Variants in WDFY3 observed in about 807,000 individuals in gnomAD.
WDFY3 encodes WD repeat and FYVE domain containing 3, also known as WD repeat and FYVE domain-containing protein 3.
In WDFY3, 66 loss-of-function variants were observed where a neutral mutation model predicts 409.6. The observed-to-expected ratio is 0.16, with a 90% CI of 0.13 to 0.20. The LOEUF is 0.20. Among genes scored for constraint, WDFY3 ranks in the 10% least tolerant of loss-of-function variants. WDFY3 has a pLI of 1.00. For synonymous variants in WDFY3, 1,521 were observed against 1,537.1 expected (o/e 0.99, Z 0.25); for missense variants, 3,031 against 4,298.1 (o/e 0.71, Z 8.24).
intron 36 of WDFY3, among the ~76,000 whole-genome samples, chr4:84,749,122 G>C (rs1336094791): frequency 6.6e-6 from 1 of 152,010 alleles, no homozygotes; most frequent in Admixed American, 6.6e-5. Context: ...CTAACTTTAA[G>C]CAATCCTTCT....
rs541160328 is a variant in WDFY3 at position 84,808,641 on chromosome 4, C to G, written c.2346-224G>C. Among the ~76,000 whole-genome samples, 6 of 152,282 alleles carry G rather than the reference C, an allele frequency of 3.9e-5. No homozygotes were observed. In the East Asian group the frequency reaches 9.7e-4, roughly 25 times the overall value. Reference sequence around the variant, plus strand: ...CCATTCATGTTAACATTTAACACATCTGTTAAACAGGGTGCTCTAAGCCCT... The same window carrying G: ...CCATTCATGTTAACATTTAACACATGTGTTAAACAGGGTGCTCTAAGCCCT... On this transcript the variant is annotated intron_variant, in intron 14 of 67. Transcript: ENST00000295888.
rs1734054216 is a variant in WDFY3 at position 84,717,003 on chromosome 4, T to C, written c.7768A>G (p.Ile2590Val). 1.2e-6 allele frequency: 2 copies of C among 1,604,918 alleles called. No homozygotes were observed. The highest frequency in any genetic ancestry group is 1.7e-6 in the Non-Finnish European group (2 of 1,175,748). The change falls in exon 49 of 68, where the codon ATT becomes GTT. Residue 2590 changes from isoleucine to valine, a missense_variant. Coordinates refer to ENST00000295888, the MANE Select transcript of WDFY3 (RefSeq NM_014991.6). ...ETLPPNMHEP[I>V]IPRGARQGPS... The stretch of plus-strand genomic sequence containing the variant: ...CCTTGCCTGGCTCCTCTAGGAATAA[T>C]AGGCTCATGCATACTACAGGCAGCC...
At chr4:84,750,172 C>G (rs1206279220) in intron 36 of WDFY3, among the ~76,000 whole-genome samples, 1 of 152,078 alleles carries the variant, frequency 6.6e-6, no homozygotes, top group Non-Finnish European at 1.5e-5. Context: ...AATTTTTACC[C>G]TATACAGTAA....
intron 15 of WDFY3, among the ~76,000 whole-genome samples, chr4:84,804,519 A>G (rs1228902496): frequency 6.6e-6 from 1 of 152,210 alleles, no homozygotes; most frequent in Non-Finnish European, 1.5e-5. Flanking sequence ...AGGCTCTCCT[A>G]GTTTATTTAA....
intron 3 of WDFY3, among the ~76,000 whole-genome samples, chr4:84,872,400 G>A (rs1362547631): frequency 2.0e-5 from 3 of 151,764 alleles, no homozygotes; most frequent in African/African-American, 7.3e-5. Context: ...TGGAGGCAGA[G>A]GTTGCAGTGA....
chr4:84,709,109 A>G, intron 52 of WDFY3, 81 bp from the exon 53 acceptor site: 1 of 1,554,814 alleles, frequency 6.4e-7, no homozygotes, highest in Non-Finnish European at 8.7e-7. Flanking sequence ...ATACAAAATG[A>G]TGTAAAGGAC....
chr4:84,887,868 T>C (rs1764434588), intron 3 of WDFY3, among the ~76,000 whole-genome samples: 1 of 152,226 alleles, frequency 6.6e-6, no homozygotes, highest in Non-Finnish European at 1.5e-5. Flanking sequence ...AAGATAGTAC[T>C]ATTTGTTCTT....
At chr4:84,768,353 T>C (rs1004603271) in intron 30 of WDFY3, among the ~76,000 whole-genome samples, 4 of 152,154 alleles carry the variant, frequency 2.6e-5, no homozygotes, top group Non-Finnish European at 5.9e-5. Flanking sequence ...AGGACTTTCA[T>C]AGCTAGAGGG....
In WDFY3 at chr4:84,862,607, T is replaced by A. The variant is rs1760795434; in HGVS notation, c.-31-1985A>T. On this transcript the variant is annotated intron_variant, in intron 3 of 67. Coordinates refer to ENST00000295888, the MANE Select transcript of WDFY3 (RefSeq NM_014991.6). ...TTTAGATTATGTATAGTTCTGCTCC[T>A]TTTCCTTACCCTGTAGCTAGAGTTG... Among the ~76,000 whole-genome samples, 2 of 152,322 alleles carry A rather than the reference T, an allele frequency of 1.3e-5. 1 individual carries two copies. Among genetic ancestry groups the A allele is most frequent in the South Asian group, 4.1e-4 (2 of 4,832 alleles).
chr4:84,880,109 G>A (rs954256781), intron 3 of WDFY3, among the ~76,000 whole-genome samples: 5 of 152,100 alleles, frequency 3.3e-5, no homozygotes, highest in Non-Finnish European at 7.4e-5. Flanking sequence ...TCACAAAGAA[G>A]GAGTCAGGAG....
chr4:84,900,140 T>C (rs1210428820), intron 2 of WDFY3, among the ~76,000 whole-genome samples: 3 of 152,232 alleles, frequency 2.0e-5, no homozygotes, highest in South Asian at 2.1e-4. Flanking sequence ...CTATTCATTA[T>C]GGCCAAAGAA....
At position 84,826,949 on chromosome 4, in the gene WDFY3, T is replaced by G; in HGVS notation, c.989A>C (p.Asp330Ala). The stretch of plus-strand genomic sequence containing the variant: ...CAGATTAACCAGATCTTTCAAGGCA[T>G]CTTTGGATTCTGCCTCTTTTGCTTG... ...LEQAKEAESK[D>A]ALKDLVNLIT... The change falls in exon 10 of 68, where the codon GAT becomes GCT. Residue 330 changes from aspartate to alanine, a missense_variant. Around this residue, in one of 16 missense-constraint regions of WDFY3, gnomAD observed 1,322 missense variants for 1,697.9 expected, o/e 0.78. Transcript: ENST00000295888. 1 of 1,608,592 alleles carries G rather than the reference T, an allele frequency of 6.2e-7. No individual in the cohort carries two copies. The highest frequency in any genetic ancestry group is 8.5e-7 in the Non-Finnish European group (1 of 1,178,618).
At chr4:84,888,391 T>A (rs1764501432) in intron 3 of WDFY3, among the ~76,000 whole-genome samples, 1 of 152,206 alleles carries the variant, frequency 6.6e-6, no homozygotes, top group African/African-American at 2.4e-5. Context: ...CAGCAATGTA[T>A]TATGTCATTT....
At chr4:84,784,853 T>C (rs1747185245) in intron 24 of WDFY3, among the ~76,000 whole-genome samples, 1 of 57,254 alleles carries the variant, frequency 1.7e-5, no homozygotes, top group Admixed American at 2.7e-4. Flanking sequence ...AAAAAAAGTG[T>C]ATATGTATAT....
chr4:84,779,474 G>A lies in WDFY3; in HGVS notation c.4365+634C>T, dbSNP rs181648138. Among the ~76,000 whole-genome samples the A allele has an allele frequency of 2.9e-3, 440 of 151,358 alleles. 1 individual carries two copies. Among genetic ancestry groups the A allele is most frequent in the Non-Finnish European group, 4.5e-3 (304 of 67,914 alleles). On this transcript the variant is annotated intron_variant, in intron 26 of 67. Coordinates refer to ENST00000295888, the MANE Select transcript of WDFY3 (RefSeq NM_014991.6). Reference sequence around the variant, plus strand: ...TTCGCCCAGGCTGGAATGCAATGGCGCAATCTCGGCTTACTGCAGCCTCCG... The same window carrying A: ...TTCGCCCAGGCTGGAATGCAATGGCACAATCTCGGCTTACTGCAGCCTCCG...
intron 2 of WDFY3, among the ~76,000 whole-genome samples, chr4:84,902,936 C>G (rs1218568791): frequency 6.6e-6 from 1 of 152,152 alleles, no homozygotes; most frequent in Non-Finnish European, 1.5e-5. Flanking sequence ...TCTAACCAAG[C>G]ACTTGTAGTC....
chr4:84,751,730 G>T lies in WDFY3; in HGVS notation c.5740-14C>A. ...AAGGTCAGTCACCTAGTAAAATCAA[G>T]TGGAAAGATACGGTAATCACATTAG... On this transcript the variant is annotated splice_polypyrimidine_tract_variant and intron_variant, in intron 35 of 67. Coordinates refer to ENST00000295888, the MANE Select transcript of WDFY3 (RefSeq NM_014991.6). 5 of 1,613,630 alleles carry T rather than the reference G, an allele frequency of 3.1e-6. No homozygotes were observed. Among genetic ancestry groups the T allele is most frequent in the Non-Finnish European group, 4.2e-6 (5 of 1,179,540 alleles).
chr4:84,947,913 A>T (rs1266297039), intron 1 of WDFY3, among the ~76,000 whole-genome samples: 1 of 151,714 alleles, frequency 6.6e-6, no homozygotes, highest in Non-Finnish European at 1.5e-5. Flanking sequence ...TAAATAAATA[A>T]AATTCCTGCT....
chr4:84,733,110 C>T (rs946556762), intron 44 of WDFY3, among the ~76,000 whole-genome samples: 1 of 152,132 alleles, frequency 6.6e-6, no homozygotes, highest in African/African-American at 2.4e-5. Context: ...GACCCATAAC[C>T]CAGCTATAAT....
Sources: gnomAD v4.1 joint callset for allele counts (sites outside exome capture counted in the v4.1 genomes callset) on GRCh38, gnomAD v4.1.1 for gene constraint, gnomAD v4.1.1 regional missense constraint, MANE v1.5 for transcripts, NCBI Gene and HGNC (gene_info 2026-07-23, HGNC 2026-07-21) for gene names.